Variants in RANBP2 observed in about 807,000 individuals in gnomAD.
The protein encoded by RANBP2 is RAN binding protein 2, also known as E3 SUMO-protein ligase RanBP2.
In RANBP2, 57 loss-of-function variants were observed where a neutral mutation model predicts 303.6. The ratio of observed to expected loss-of-function variants is 0.19; its 90% CI spans 0.15 to 0.23. The LOEUF (loss-of-function observed/expected upper bound fraction) is 0.23, where lower values mean the gene tolerates loss of function less well. Among genes scored for constraint, RANBP2 ranks in the 10% least tolerant of loss-of-function variants. The pLI, the probability that RANBP2 is intolerant of heterozygous loss-of-function variation, is 1.00. For missense variants in RANBP2, 3,138 were observed against 3,780.8 expected (o/e 0.83, Z 4.46); for synonymous variants, 1,167 against 1,301.5 (o/e 0.90, Z 2.23).
At chr2:108,888,674 T>G in the RANBP2 span, among the ~76,000 whole-genome samples, 2 of 152,074 alleles carry the variant, frequency 1.3e-5, no homozygotes, top group Admixed American at 6.5e-5. Context: ...CTTTTTCATT[T>G]CTGATTTTAT....
At chr2:109,147,205 G>C in the RANBP2 span, among the ~76,000 whole-genome samples, 1 of 152,130 alleles carries the variant, frequency 6.6e-6, no homozygotes, top group African/African-American at 2.4e-5. Flanking sequence ...CGGGATGCCT[G>C]GACTTTCTTG....
chr2:108,839,185 C>G, the RANBP2 span: 1 of 1,600,602 alleles, frequency 6.2e-7, no homozygotes, highest in Admixed American at 1.7e-5. Flanking sequence ...TTATCTTTAG[C>G]TTTTGCCTCT....
At chr2:109,338,432 C>CTTT in the RANBP2 span, among the ~76,000 whole-genome samples, 4 of 145,894 alleles carry the variant, frequency 2.7e-5, no homozygotes, top group Admixed American at 1.4e-4. Context: ...CTTAGGGAAA[C>CTTT]TTTTTTTTTT....
At chr2:108,961,425 G>A in the RANBP2 span, among the ~76,000 whole-genome samples, 1 of 152,172 alleles carries the variant, frequency 6.6e-6, no homozygotes, top group African/African-American at 2.4e-5. Flanking sequence ...CAGCATTGGA[G>A]CACAGCTTCT....
At chr2:109,261,267 A>G in the RANBP2 span, among the ~76,000 whole-genome samples, 1 of 152,144 alleles carries the variant, frequency 6.6e-6, no homozygotes, top group African/African-American at 2.4e-5. Flanking sequence ...GAACAAAGCA[A>G]TGATGTGGAG....
chr2:108,896,888 C>T, the RANBP2 span: 13 of 1,604,534 alleles, frequency 8.1e-6, no homozygotes, highest in Non-Finnish European at 1.0e-5. Flanking sequence ...CCTGGGAGGA[C>T]AGCCCACAGG....
At chr2:109,377,825 A>G in the RANBP2 span, among the ~76,000 whole-genome samples, 5 of 152,126 alleles carry the variant, frequency 3.3e-5, no homozygotes, top group African/African-American at 9.6e-5. Flanking sequence ...CCTCCTTGTC[A>G]CTTTATCTTT....
At chr2:109,286,163 A>G in the RANBP2 span, among the ~76,000 whole-genome samples, 1 of 152,182 alleles carries the variant, frequency 6.6e-6, no homozygotes, top group African/African-American at 2.4e-5. Context: ...AAGTCACTTT[A>G]TTCAAGGATT....
chr2:109,348,700 C>G, the RANBP2 span, among the ~76,000 whole-genome samples: 3 of 152,150 alleles, frequency 2.0e-5, no homozygotes, highest in Non-Finnish European at 4.4e-5. Context: ...CTCTGAGAGG[C>G]TTTGTAACTT....
the RANBP2 span, among the ~76,000 whole-genome samples, chr2:109,524,437 C>A: frequency 2.7e-4 from 31 of 115,464 alleles, no homozygotes; most frequent in African/African-American, 1.4e-3. Flanking sequence ...AGAGTGGGAC[C>A]CTGTCTCAAA....
At chr2:108,823,887 G>A in the RANBP2 span, among the ~76,000 whole-genome samples, 1 of 151,402 alleles carries the variant, frequency 6.6e-6, no homozygotes, top group East Asian at 2.0e-4. Context: ...TGAGGCAAGA[G>A]AATTGCTTTA....
chr2:109,522,117 A>C, the RANBP2 span, among the ~76,000 whole-genome samples: 4 of 152,100 alleles, frequency 2.6e-5, no homozygotes, highest in Admixed American at 1.3e-4. Context: ...AACATATGCA[A>C]ATTGAGCCTC....
the RANBP2 span, among the ~76,000 whole-genome samples, chr2:109,361,589 T>G: frequency 6.6e-6 from 1 of 152,192 alleles, no homozygotes; most frequent in Non-Finnish European, 1.5e-5. Context: ...TTCTCCTGCC[T>G]CAGCCTCCCA....
chr2:109,397,807 C>T, the RANBP2 span, among the ~76,000 whole-genome samples: 34 of 152,240 alleles, frequency 2.2e-4, no homozygotes, highest in Non-Finnish European at 4.1e-4. Context: ...GTTTATTCCC[C>T]GGTTGCTCAT....
At chr2:109,155,331 C>A in the RANBP2 span, among the ~76,000 whole-genome samples, 1 of 152,126 alleles carries the variant, frequency 6.6e-6, no homozygotes, top group African/African-American at 2.4e-5. Context: ...GATGGAGTCT[C>A]GCTCTGTTGC....
chr2:108,972,045 T>C, the RANBP2 span, among the ~76,000 whole-genome samples: 3 of 152,188 alleles, frequency 2.0e-5, no homozygotes, highest in Non-Finnish European at 4.4e-5. Flanking sequence ...CAGCCTGGCC[T>C]GGCCCGCAGA....
chr2:108,953,155 G>A, the RANBP2 span, among the ~76,000 whole-genome samples: 1 of 152,166 alleles, frequency 6.6e-6, no homozygotes, highest in African/African-American at 2.4e-5. Flanking sequence ...TGTGCTCTTG[G>A]AGTCTCTATT....
the RANBP2 span, among the ~76,000 whole-genome samples, chr2:109,238,287 T>G: frequency 1.3e-5 from 2 of 152,188 alleles, no homozygotes; most frequent in African/African-American, 2.4e-5. Flanking sequence ...GGATACCAGA[T>G]GGCAAGTACA....
chr2:109,263,812 C>T, the RANBP2 span, among the ~76,000 whole-genome samples: 1 of 152,098 alleles, frequency 6.6e-6, no homozygotes, highest in African/African-American at 2.4e-5. Flanking sequence ...TAAAAAAATA[C>T]AAAAAATTAG....
Sources: gnomAD v4.1 joint callset for allele counts (sites outside exome capture counted in the v4.1 genomes callset) on GRCh38, gnomAD v4.1.1 for gene constraint, MANE v1.5 for transcripts, NCBI Gene and HGNC (gene_info 2026-07-23, HGNC 2026-07-21) for gene names.